ZMAT4: variants seen among roughly 807,000 people sequenced by gnomAD.
ZMAT4 encodes zinc finger matrin-type protein 4.
A neutral mutation model predicts 28.7 loss-of-function variants in ZMAT4; 17 were observed. The ratio of observed to expected loss-of-function variants is 0.59; its 90% CI spans 0.41 to 0.89. The LOEUF (loss-of-function observed/expected upper bound fraction) is 0.89. Among genes scored for constraint, ZMAT4 ranks in the 40% least tolerant of loss-of-function variants. ZMAT4 has a pLI of 0.00. For synonymous variants in ZMAT4, 117 were observed against 109.2 expected (o/e 1.07, Z -0.44); for missense variants, 240 against 283.8 (o/e 0.85, Z 1.11).
intron 3 of ZMAT4, among the ~76,000 whole-genome samples, chr8:40,715,629 TC>T (rs1471857002): frequency 6.6e-6 from 1 of 152,184 alleles, no homozygotes; most frequent in Admixed American, 6.5e-5. Flanking sequence ...AAACCCCTCA[TC>T]CCACAATTTT....
At chr8:40,647,561 G>T (rs914250751) in intron 5 of ZMAT4, among the ~76,000 whole-genome samples, 1 of 152,144 alleles carries the variant, frequency 6.6e-6, no homozygotes, top group African/African-American at 2.4e-5. Context: ...GCTCGAACTG[G>T]GTGGAGCCCA....
At chr8:40,668,468 CAAA>C (rs71224843) in intron 5 of ZMAT4, among the ~76,000 whole-genome samples, 4 of 85,014 alleles carry the variant, frequency 4.7e-5, no homozygotes, top group South Asian at 4.1e-4. Flanking sequence ...GACTTTGTCT[CAAA>C]AAAAAAAAAA....
chr8:40,792,404 T>C (rs966677485), intron 2 of ZMAT4, among the ~76,000 whole-genome samples: 3 of 145,362 alleles, frequency 2.1e-5, no homozygotes, highest in African/African-American at 5.2e-5. Context: ...ATCTTGCCAT[T>C]AGCAACCAAG....
intron 6 of ZMAT4, among the ~76,000 whole-genome samples, chr8:40,543,784 C>T (rs1285764019): frequency 6.6e-6 from 1 of 152,162 alleles, no homozygotes; most frequent in Non-Finnish European, 1.5e-5. Flanking sequence ...TATGACCTTA[C>T]CACCCCTTAA....
At chr8:40,585,357 C>T (rs772472749) in intron 5 of ZMAT4, among the ~76,000 whole-genome samples, 2 of 152,082 alleles carry the variant, frequency 1.3e-5, no homozygotes, top group East Asian at 1.9e-4. Flanking sequence ...GACTCCCAAA[C>T]GTCAGAGTGT....
chr8:40,857,356 C>T (rs138492159), intron 1 of ZMAT4, among the ~76,000 whole-genome samples: 204 of 151,800 alleles, frequency 1.3e-3, no homozygotes, highest in African/African-American at 4.7e-3. Flanking sequence ...CATAGCAAGA[C>T]CCTGTCTCTT....
At chr8:40,777,040 C>T (rs1586034597) in intron 2 of ZMAT4, among the ~76,000 whole-genome samples, 1 of 151,984 alleles carries the variant, frequency 6.6e-6, no homozygotes, top group African/African-American at 2.4e-5. Flanking sequence ...CAGCTGGTTC[C>T]ATAACCACAT....
intron 2 of ZMAT4, among the ~76,000 whole-genome samples, chr8:40,782,011 G>A (rs981294974): frequency 6.6e-6 from 1 of 152,124 alleles, no homozygotes; most frequent in African/African-American, 2.4e-5. Context: ...GTAACCTTGA[G>A]TTAAACAATG....
Position 40,868,486 on chromosome 8 carries a change from A to T in ZMAT4, c.-5+29197T>A, listed in dbSNP as rs1451054364. Among the ~76,000 whole-genome samples the T allele has an allele frequency of 3.3e-5, 5 of 152,282 alleles. No individual in the cohort carries two copies. The East Asian group carries it at 9.7e-4, about 29-fold the overall frequency. On this transcript the variant is annotated intron_variant, in intron 1 of 6. Coordinates refer to ENST00000297737, the MANE Select transcript of ZMAT4 (RefSeq NM_024645.3). Reference sequence around the variant, plus strand: ...GCTTATCCCAGCAGTTTCTCAGGATACAACATCTCACTACCCTAGGACCAG... The same window carrying T: ...GCTTATCCCAGCAGTTTCTCAGGATTCAACATCTCACTACCCTAGGACCAG...
chr8:40,870,946 G>A (rs1463322231), intron 1 of ZMAT4, among the ~76,000 whole-genome samples: 3 of 152,200 alleles, frequency 2.0e-5, no homozygotes, highest in Non-Finnish European at 2.9e-5. Context: ...TGGTATGAGT[G>A]CATGTACATC....
intron 3 of ZMAT4, among the ~76,000 whole-genome samples, chr8:40,710,205 T>C (rs911134133): frequency 6.6e-6 from 1 of 152,116 alleles, no homozygotes; most frequent in Non-Finnish European, 1.5e-5. Context: ...GGGGAGACAC[T>C]GGGGAGAATA....
intron 5 of ZMAT4, among the ~76,000 whole-genome samples, chr8:40,584,840 GC>G (rs1301314138): frequency 6.6e-6 from 1 of 152,042 alleles, no homozygotes; most frequent in African/African-American, 2.4e-5. Context: ...CACCATGTTG[GC>G]CAGGCTGGTC....
Position 40,649,181 on chromosome 8 carries a change from A to T in ZMAT4, c.577+25523T>A, listed in dbSNP as rs951736957. On this transcript the variant is annotated intron_variant, in intron 5 of 6. Coordinates refer to ENST00000297737, the MANE Select transcript of ZMAT4 (RefSeq NM_024645.3). The stretch of plus-strand genomic sequence containing the variant: ...CAGTGTGCTGTATTCAGGAAACCCA[A>T]CTCACGTGCAGAGACACACATAGAC... Among the ~76,000 whole-genome samples, 599 of 152,210 alleles carry T rather than the reference A, an allele frequency of 3.9e-3. 2 individuals are homozygous for T. Among genetic ancestry groups the T allele is most frequent in the African/African-American group, 0.013 (541 of 41,538 alleles).
At chr8:40,835,034 G>GT (rs1350620566) in intron 1 of ZMAT4, among the ~76,000 whole-genome samples, 1 of 152,222 alleles carries the variant, frequency 6.6e-6, no homozygotes, top group Non-Finnish European at 1.5e-5. Flanking sequence ...AAGCGTGGAT[G>GT]TTTTTGTAGA....
At chr8:40,605,034 G>A (rs187234330) in intron 5 of ZMAT4, among the ~76,000 whole-genome samples, 104 of 152,082 alleles carry the variant, frequency 6.8e-4, no homozygotes, top group African/African-American at 2.4e-3. Flanking sequence ...GATATCTCCC[G>A]TTTTGTTTCT....
At chr8:40,706,131 C>A (rs1011939237) in intron 3 of ZMAT4, among the ~76,000 whole-genome samples, 3 of 152,120 alleles carry the variant, frequency 2.0e-5, no homozygotes, top group Non-Finnish European at 4.4e-5. Context: ...CAGCTCACTG[C>A]GAACTCAGCC....
At chr8:40,533,183 T>C (rs1278292795) in intron 6 of ZMAT4, among the ~76,000 whole-genome samples, 1 of 152,222 alleles carries the variant, frequency 6.6e-6, no homozygotes, top group South Asian at 2.1e-4. Flanking sequence ...ACTTTTACTA[T>C]GTGTGCCATT....
rs1276037905 is a variant in ZMAT4, at chr8:40,843,561, C to T, written c.-4-17881G>A. The stretch of plus-strand genomic sequence containing the variant: ...GACTAAAATCTCTTCTCTGGTCTTT[C>T]TAAAGCAGCAGCAGCAAGCCCTAAT... On this transcript the variant is annotated intron_variant, in intron 1 of 6. Coordinates refer to ENST00000297737, the MANE Select transcript of ZMAT4 (RefSeq NM_024645.3). 2.6e-5 allele frequency among the ~76,000 whole-genome samples: 4 copies of T among 152,220 alleles called. No individual in the cohort carries two copies. The East Asian group carries it at 5.8e-4, about 22-fold the overall frequency.
Position 40,732,898 on chromosome 8 carries a change from T to G in ZMAT4, c.192+34743A>C, listed in dbSNP as rs547167137. Among the ~76,000 whole-genome samples the G allele has an allele frequency of 9.7e-5, 13 of 134,260 alleles. 1 individual carries two copies. The South Asian group carries it at 3.4e-3, about 35-fold the overall frequency. The allele number at this position is 134,260 out of a possible 152,430, so 88.1% of individuals were successfully genotyped here. On this transcript the variant is annotated intron_variant, in intron 3 of 6. Coordinates refer to ENST00000297737, the MANE Select transcript of ZMAT4 (RefSeq NM_024645.3). ...TTTAGCACTGTTGCTCAGGCTGGAATGCAGTGGCATGATCATAGCTTACTG... is the reference window on the plus strand; with the variant it reads ...TTTAGCACTGTTGCTCAGGCTGGAAGGCAGTGGCATGATCATAGCTTACTG...
Sources: allele counts gnomAD v4.1 joint callset (sites outside exome capture counted in the v4.1 genomes callset), GRCh38; gene constraint gnomAD v4.1.1; transcripts MANE v1.5; gene names NCBI Gene and HGNC (gene_info 2026-07-23, HGNC 2026-07-21).